The following PDZD2 variants were observed in gnomAD, a reference collection of about 807,000 sequenced individuals.
PDZD2 encodes PDZ domain-containing protein 2.
A neutral mutation model predicts 220.7 loss-of-function variants in PDZD2; 90 were observed. The observed-to-expected ratio is 0.41, with a 90% CI of 0.34 to 0.49. The LOEUF is 0.49. Among genes scored for constraint, PDZD2 ranks in the 20% least tolerant of loss-of-function variants. PDZD2 has a pLI of 0.28. For synonymous variants in PDZD2, 1,375 were observed against 1,450.5 expected (o/e 0.95, Z 1.18); for missense variants, 3,174 against 3,608.5 (o/e 0.88, Z 3.08).
intron 2 of PDZD2, among the ~76,000 whole-genome samples, chr5:31,872,187 G>A (rs1477781156): frequency 1.6e-5 from 2 of 127,176 alleles, no homozygotes; most frequent in Non-Finnish European, 3.5e-5. Context: ...CCCACCTGAG[G>A]CTGCTGACAA....
Position 32,089,362 on chromosome 5 carries a change from C to T in PDZD2, c.5914C>T (p.Pro1972Ser). 2 of 1,614,132 alleles carry T rather than the reference C, an allele frequency of 1.2e-6. No individual in the cohort carries two copies. Among genetic ancestry groups the T allele is most frequent in the Non-Finnish European group, 1.7e-6 (2 of 1,179,990 alleles). Residue 1972 changes from proline (P) to serine (S), a missense_variant, in exon 20 of 25, where the codon CCC becomes TCC. This residue lies in a region of PDZD2 where 1,861 missense variants were observed against 2,001.0 expected (regional missense o/e 0.93). Transcript: ENST00000438447. ...TCTTGCCACCTCTGGGCCACTGAAA[C>T]CCTCAGTGTCTGACACGAGCATCAG... ...PPLATSGPLK[P>S]SVSDTSIRTF...
In PDZD2 at chr5:31,799,357, G is replaced by A; in HGVS notation, c.109G>A (p.Ala37Thr). The A allele has an allele frequency of 1.2e-6, 2 of 1,614,210 alleles. No individual in the cohort carries two copies. The highest frequency in any genetic ancestry group is 1.7e-6 in the Non-Finnish European group (2 of 1,180,026). ...TGGGCCGGAGCAGCGGCTCTGCCAG[G>A]CGGCCATCCAGAAGCTGCAGGAGTA... Reference protein sequence around the residue: ...GDGPEQRLCQAAIQKLQEYIQ... With the variant: ...GDGPEQRLCQTAIQKLQEYIQ... Residue 37 changes from alanine (A) to threonine (T), a missense_variant, in exon 2 of 25, where the codon GCG (alanine) becomes ACG (threonine). Physicochemically the swap from Ala to Thr is moderately conservative, Grantham distance 58 (BLOSUM62 0). This residue lies in a region of PDZD2 where 632 missense variants were observed against 708.1 expected (regional missense o/e 0.89). Coordinates refer to ENST00000438447, the MANE Select transcript of PDZD2 (RefSeq NM_178140.4).
rs929602254 is a variant in PDZD2 at position 31,799,468 on chromosome 5, A to C, written c.220A>C (p.Thr74Pro). The C allele has an allele frequency of 3.7e-6, 6 of 1,614,028 alleles. No individual in the cohort carries two copies. Among genetic ancestry groups the C allele is most frequent in the African/African-American group, 1.3e-5 (1 of 74,916 alleles). ...AATGGAGATCTGTACTGTGTACCTC[A>C]CCAAGGAGCTGGGGGACACAGAGAC... ...PEMEICTVYLTKELGDTETVG... is the reference protein window; with the variant it reads ...PEMEICTVYLPKELGDTETVG... The change falls in exon 2 of 25, where the codon ACC (threonine) becomes CCC (proline). Residue 74 changes from threonine to proline, a missense_variant. Thr to Pro is a conservative substitution (Grantham distance 38). Around this residue, in one of 4 missense-constraint regions of PDZD2, gnomAD observed 632 missense variants for 708.1 expected, o/e 0.89. Coordinates refer to ENST00000438447, the MANE Select transcript of PDZD2 (RefSeq NM_178140.4).
intron 7 of PDZD2, among the ~76,000 whole-genome samples, chr5:32,045,397 G>A (rs1186612203): frequency 2.0e-5 from 3 of 150,210 alleles, no homozygotes; most frequent in African/African-American, 2.4e-5. Flanking sequence ...GTTTATCTAT[G>A]TTAATATCTT....
intron 1 of PDZD2, among the ~76,000 whole-genome samples, chr5:31,747,298 G>A (rs1750660741): frequency 6.6e-6 from 1 of 152,222 alleles, no homozygotes; most frequent in African/African-American, 2.4e-5. Flanking sequence ...TAGTCATGGA[G>A]AAATAGAATT....
intron 2 of PDZD2, among the ~76,000 whole-genome samples, chr5:31,881,594 T>C (rs1739931511): frequency 6.6e-6 from 1 of 151,514 alleles, no homozygotes; most frequent in Non-Finnish European, 1.5e-5. Flanking sequence ...GCCAGACTGG[T>C]CTCAAACTCC....
chr5:32,074,889 C>A (rs1196184124), intron 18 of PDZD2, among the ~76,000 whole-genome samples: 1 of 151,918 alleles, frequency 6.6e-6, no homozygotes, highest in Non-Finnish European at 1.5e-5. Flanking sequence ...CAGCTCACTG[C>A]AACCTCCGCC....
At position 31,783,240 on chromosome 5, in the gene PDZD2, G is replaced by A. The variant is rs368867313; in HGVS notation, c.-360-15649G>A. Reference sequence around the variant, plus strand: ...CTTGTGGAACTTGGGAACACCAGAAGCATGCACGCGTCTTTCTTTCCATTT... The same window carrying A: ...CTTGTGGAACTTGGGAACACCAGAAACATGCACGCGTCTTTCTTTCCATTT... On this transcript the variant is annotated intron_variant, in intron 1 of 24. Coordinates refer to ENST00000438447, the MANE Select transcript of PDZD2 (RefSeq NM_178140.4). Among the ~76,000 whole-genome samples, 43 of 152,212 alleles carry A rather than the reference G, an allele frequency of 2.8e-4. 1 individual carries two copies. The South Asian group carries it at 8.7e-3, about 31-fold the overall frequency.
chr5:31,819,341 C>T (rs1039400017), intron 2 of PDZD2, among the ~76,000 whole-genome samples: 21 of 152,104 alleles, frequency 1.4e-4, no homozygotes, highest in African/African-American at 4.8e-4. Flanking sequence ...GGTGTTTTTA[C>T]TGTATAGTCT....
intron 1 of PDZD2, among the ~76,000 whole-genome samples, chr5:31,703,470 CTGTCGGGG>C (rs1561393461): frequency 6.6e-6 from 1 of 151,842 alleles, no homozygotes; most frequent in African/African-American, 2.4e-5. Flanking sequence ...ACACCGGGAC[CTGTCGGGG>C]GGTCGGGGGG....
intron 20 of PDZD2, 104 bp downstream of exon 20, chr5:32,091,279 CTT>C (rs57254389): frequency 0.069 from 17,658 of 257,440 alleles, 1 homozygote; most frequent in East Asian, 0.1. Context: ...TTCCCACTTA[CTT>C]TTTTTTTTTT....
intron 2 of PDZD2, among the ~76,000 whole-genome samples, chr5:31,980,029 ATAC>A (rs1446292294): frequency 6.6e-6 from 1 of 152,204 alleles, no homozygotes; most frequent in Non-Finnish European, 1.5e-5. Flanking sequence ...TTGCCCAATA[ATAC>A]TATGTTCACT....
intron 2 of PDZD2, among the ~76,000 whole-genome samples, chr5:31,900,249 C>T (rs972134418): frequency 2.6e-5 from 4 of 152,274 alleles, no homozygotes; most frequent in Non-Finnish European, 4.4e-5. Flanking sequence ...ACCAGCTTTC[C>T]GTAGTCCTGG....
At chr5:31,801,753 G>T (rs1240348829) in intron 2 of PDZD2, among the ~76,000 whole-genome samples, 1 of 152,126 alleles carries the variant, frequency 6.6e-6, no homozygotes, top group African/African-American at 2.4e-5. Context: ...ATAACTAAAT[G>T]ATTAAATAGT....
At chr5:31,781,557 A>G (rs571019540) in intron 1 of PDZD2, among the ~76,000 whole-genome samples, 61 of 152,336 alleles carry the variant, frequency 4.0e-4, no homozygotes, top group African/African-American at 6.0e-4. Flanking sequence ...CTATACTTCA[A>G]TGTGTTAGCT....
chr5:32,045,495 C>CA (rs1737841963), intron 7 of PDZD2, among the ~76,000 whole-genome samples: 1 of 150,944 alleles, frequency 6.6e-6, no homozygotes, highest in African/African-American at 2.4e-5. Context: ...GATCTCAACT[C>CA]ACTGCAACCT....
intron 6 of PDZD2, among the ~76,000 whole-genome samples, chr5:32,027,519 GT>G (rs1561386497): frequency 3.3e-4 from 50 of 152,014 alleles, no homozygotes; most frequent in Admixed American, 9.8e-4. Flanking sequence ...CAGCCTGAGC[GT>G]CGCAGTGGGC....
intron 8 of PDZD2, among the ~76,000 whole-genome samples, chr5:32,049,382 G>A (rs188798655): frequency 6.6e-6 from 1 of 152,308 alleles, no homozygotes; most frequent in African/African-American, 2.4e-5. Context: ...GGGCTCAAGA[G>A]GAACCGTTAG....
intron 1 of PDZD2, among the ~76,000 whole-genome samples, chr5:31,685,578 C>A (rs1746823301): frequency 6.6e-6 from 1 of 152,152 alleles, no homozygotes; most frequent in Admixed American, 6.5e-5. Flanking sequence ...GGCTGGAGTG[C>A]AATGGTGTTT....
Sources: allele counts gnomAD v4.1 joint callset (sites outside exome capture counted in the v4.1 genomes callset), GRCh38; gene constraint gnomAD v4.1.1; regional missense constraint gnomAD v4.1.1; transcripts MANE v1.5; gene names NCBI Gene and HGNC (gene_info 2026-07-23, HGNC 2026-07-21).